The following TRPC4AP variants were observed in gnomAD, a reference collection of about 807,000 sequenced individuals.
TRPC4AP encodes the protein short transient receptor potential channel 4-associated protein.
Under a neutral mutation model 99.0 loss-of-function variants are expected in TRPC4AP, and 45 were observed. The ratio of observed to expected loss-of-function variants is 0.45; its 90% CI spans 0.36 to 0.58. TRPC4AP has a LOEUF of 0.58. Among genes scored for constraint, TRPC4AP ranks in the 20% least tolerant of loss-of-function variants. The pLI is 0.00. For synonymous variants in TRPC4AP, 408 were observed against 385.8 expected, an observed-to-expected ratio of 1.06 and a Z score of -0.67; for missense variants, 879 against 985.3, an observed-to-expected ratio of 0.89 and a Z score of 1.44.
chr20:35,076,191 T>A (rs1174851460), intron 2 of TRPC4AP, among the ~76,000 whole-genome samples: 1 of 152,210 alleles, frequency 6.6e-6, no homozygotes, highest in Non-Finnish European at 1.5e-5. Context: ...AGCTTCTTTA[T>A]GATGGGTTCA....
At chr20:35,089,231 T>C (rs1287820958) in intron 1 of TRPC4AP, among the ~76,000 whole-genome samples, 3 of 151,894 alleles carry the variant, frequency 2.0e-5, no homozygotes, top group African/African-American at 7.3e-5. Flanking sequence ...TATATTTATA[T>C]ATGTATATAG....
chr20:35,080,861 G>A (rs954952551), intron 1 of TRPC4AP, among the ~76,000 whole-genome samples: 1 of 150,822 alleles, frequency 6.6e-6, no homozygotes, highest in African/African-American at 2.4e-5. Context: ...CACTTTAAAA[G>A]GGTGACTTGT....
chr20:35,084,522 GTATATATGTA>G (rs2084753042), intron 1 of TRPC4AP, among the ~76,000 whole-genome samples: 1 of 146,292 alleles, frequency 6.8e-6, no homozygotes, highest in Non-Finnish European at 1.5e-5. Flanking sequence ...GTATATATGT[GTATATATGTA>G]TATATGTATA....
chr20:35,090,376 G>GCTTTTTT (rs1555921037), intron 1 of TRPC4AP, among the ~76,000 whole-genome samples: 1 of 35,082 alleles, frequency 2.9e-5, no homozygotes, highest in Admixed American at 3.6e-4. Context: ...TATCTGGTGA[G>GCTTTTTT]CTTTTTTTTT....
chr20:35,089,314 C>T (rs1386393851), intron 1 of TRPC4AP, among the ~76,000 whole-genome samples: 1 of 151,910 alleles, frequency 6.6e-6, no homozygotes, highest in Non-Finnish European at 1.5e-5. Flanking sequence ...GCAGCCTTGA[C>T]TTGCCAGGCT....
chr20:35,081,587 A>T (rs2084647750), intron 1 of TRPC4AP, among the ~76,000 whole-genome samples: 1 of 152,164 alleles, frequency 6.6e-6, no homozygotes, highest in South Asian at 2.1e-4. Flanking sequence ...TATGCCACCT[A>T]CCAGAGAAAC....
chr20:35,092,636 C>T lies in TRPC4AP; in HGVS notation c.146G>A (p.Arg49Gln), dbSNP rs1362170120. Reference sequence around the variant, plus strand: ...TACCTGCACCGCCCGGACCAGGCCCCGGCCGGTCAGCTGGCCCTGCCGCAG... The same window carrying T: ...TACCTGCACCGCCCGGACCAGGCCCTGGCCGGTCAGCTGGCCCTGCCGCAG... ...LQLRQGQLTGRGLVRAVQFTE... is the reference protein window; with the variant it reads ...LQLRQGQLTGQGLVRAVQFTE... The change falls in exon 1 of 19, where the codon CGG (arginine) becomes CAG (glutamine). Residue 49 changes from arginine to glutamine, a missense_variant. Arg to Gln is a conservative substitution (Grantham distance 43). This residue lies in a region of TRPC4AP where 603 missense variants were observed against 631.8 expected (regional missense o/e 0.95). Coordinates refer to ENST00000252015, the MANE Select transcript of TRPC4AP (RefSeq NM_015638.3). 2.0e-6 allele frequency: 3 copies of T among 1,515,222 alleles called. No homozygotes were observed. Among genetic ancestry groups the T allele is most frequent in the Admixed American group, 2.0e-5 (1 of 49,644 alleles). 93.9% of individuals were successfully genotyped at this position (1,515,222 alleles called of 1,614,324 possible). A position where few individuals can be genotyped will look rare whatever the true frequency, so the allele number is the denominator to read the frequency against.
chr20:35,058,187 T>C (rs920284702), intron 3 of TRPC4AP, among the ~76,000 whole-genome samples: 38 of 152,034 alleles, frequency 2.5e-4, no homozygotes, highest in African/African-American at 8.9e-4. Context: ...CTGGCAGAAA[T>C]GAAGGAAACA....
chr20:35,029,797 A>G (rs1159964888), intron 8 of TRPC4AP, among the ~76,000 whole-genome samples: 2 of 148,332 alleles, frequency 1.3e-5, no homozygotes, highest in South Asian at 2.1e-4. Context: ...CACCACGCCC[A>G]GCTAATTTTT....
At chr20:35,016,988 T>C (rs1210151031) in intron 9 of TRPC4AP, among the ~76,000 whole-genome samples, 2 of 152,208 alleles carry the variant, frequency 1.3e-5, no homozygotes, top group East Asian at 3.8e-4. Flanking sequence ...GAAGAGTGTT[T>C]GGCAGTAGCT....
chr20:35,021,531 G>A (rs560468284), intron 8 of TRPC4AP, among the ~76,000 whole-genome samples, 175 bp from the exon 9 acceptor site: 187 of 152,348 alleles, frequency 1.2e-3, no homozygotes, highest in African/African-American at 4.2e-3. Flanking sequence ...CCAGGTGAGC[G>A]CAGAGACTCG....
At chr20:35,024,854 A>AAAAAAAAACAT (rs1479270980) in intron 8 of TRPC4AP, among the ~76,000 whole-genome samples, 3,130 of 89,124 alleles carry the variant, frequency 0.035, 656 homozygotes, top group East Asian at 0.06. Context: ...AAAAAAAAAA[A>AAAAAAAAACAT]ATTCTGTTTA....
At chr20:35,088,497 A>T (rs2084948640) in intron 1 of TRPC4AP, among the ~76,000 whole-genome samples, 2 of 152,196 alleles carry the variant, frequency 1.3e-5, no homozygotes. Context: ...AAAATAAGAC[A>T]CAGTCTCTTC....
intron 3 of TRPC4AP, among the ~76,000 whole-genome samples, chr20:35,059,421 C>T (rs544641295): frequency 2.0e-5 from 3 of 152,126 alleles, no homozygotes; most frequent in Non-Finnish European, 4.4e-5. Context: ...AGACTCTGGG[C>T]GGCTGAGGTG....
At chr20:35,074,527 A>AC (rs1266657317) in intron 2 of TRPC4AP, among the ~76,000 whole-genome samples, 2 of 152,118 alleles carry the variant, frequency 1.3e-5, no homozygotes, top group African/African-American at 4.8e-5. Flanking sequence ...TTCGTTATGT[A>AC]CCCAGCAGTC....
At chr20:35,088,565 C>T (rs2084950904) in intron 1 of TRPC4AP, among the ~76,000 whole-genome samples, 1 of 152,226 alleles carries the variant, frequency 6.6e-6, no homozygotes, top group Admixed American at 6.5e-5. Flanking sequence ...AACAACTATT[C>T]CTATATGCCA....
Position 35,013,054 on chromosome 20 carries a change from T to C in TRPC4AP, c.1363A>G (p.Lys455Glu). ...TGAAGAAGCCTCAAAAACTGTATCT[T>C]CAAGGTGATGTCCTGAAACACATGC... ...NCDCSPDITL[K>E]IQFLRLLQSF... The change falls in exon 11 of 19, where the codon AAG becomes GAG. Residue 455 changes from lysine (K) to glutamate (E), a missense_variant. Coordinates refer to ENST00000252015, the MANE Select transcript of TRPC4AP (RefSeq NM_015638.3). The C allele has an allele frequency of 6.2e-7, 1 of 1,614,106 alleles. No homozygotes were observed. The highest frequency in any genetic ancestry group is 1.3e-5 in the African/African-American group (1 of 75,044).
chr20:35,038,967 C>T (rs966452243), intron 7 of TRPC4AP, among the ~76,000 whole-genome samples: 1 of 152,116 alleles, frequency 6.6e-6, no homozygotes, highest in Non-Finnish European at 1.5e-5. Flanking sequence ...CCAGCTACTT[C>T]GCAGACTGAG....
intron 7 of TRPC4AP, among the ~76,000 whole-genome samples, chr20:35,037,440 G>A (rs980648500): frequency 1.3e-5 from 2 of 150,886 alleles, no homozygotes; most frequent in Non-Finnish European, 2.9e-5. Context: ...ATTGAAAACA[G>A]GTGCACACAC....
Sources: gnomAD v4.1 joint callset for allele counts (sites outside exome capture counted in the v4.1 genomes callset) on GRCh38, gnomAD v4.1.1 for gene constraint, gnomAD v4.1.1 regional missense constraint, MANE v1.5 for transcripts, NCBI Gene and HGNC (gene_info 2026-07-23, HGNC 2026-07-21) for gene names.